The following ANO3 variants were observed in gnomAD, a reference collection of about 807,000 sequenced individuals.
The protein encoded by ANO3 is anoctamin 3.
Under a neutral mutation model 144.8 loss-of-function variants are expected in ANO3, and 99 were observed. That is an observed-to-expected ratio of 0.68 (90% CI 0.58 to 0.81). ANO3 has a LOEUF of 0.81. ANO3 is among the 30% of genes least tolerant of loss of function. ANO3 has a pLI of 0.00. For synonymous variants in ANO3, 414 were observed against 392.6 expected (o/e 1.05, Z -0.64); for missense variants, 905 against 1,202.2 (o/e 0.75, Z 3.66).
At chr11:26,315,634 C>A (rs1452651051) in intron 1 of ANO3, among the ~76,000 whole-genome samples, 1 of 151,158 alleles carries the variant, frequency 6.6e-6, no homozygotes, top group Non-Finnish European at 1.5e-5. Context: ...AGAGAAATTG[C>A]AAATCTGGAC....
chr11:26,565,263 G>A, intron 14 of ANO3: 1 of 1,589,372 alleles, frequency 6.3e-7, no homozygotes, highest in Non-Finnish European at 8.6e-7. Context: ...GGTAAACCCA[G>A]TGAAGCTATC....
At chr11:26,505,071 C>T (rs184997335) in intron 4 of ANO3, among the ~76,000 whole-genome samples, 101 of 149,828 alleles carry the variant, frequency 6.7e-4, no homozygotes, top group African/African-American at 2.4e-3. Context: ...AGAGACAAGC[C>T]TGGCTACTGC....
intron 1 of ANO3, among the ~76,000 whole-genome samples, chr11:26,363,796 G>T (rs1260669562): frequency 1.3e-5 from 2 of 150,694 alleles, no homozygotes; most frequent in Non-Finnish European, 2.9e-5. Context: ...AGTGATAACT[G>T]CAGATTTTCT....
chr11:26,395,652 C>A (rs1856992345), intron 1 of ANO3, among the ~76,000 whole-genome samples: 1 of 152,098 alleles, frequency 6.6e-6, no homozygotes, highest in Non-Finnish European at 1.5e-5. Flanking sequence ...ACATCTACAA[C>A]CATCTGATCT....
rs376885670 is a variant in ANO3 at position 26,300,855 on chromosome 11, C to CTTTTTTTTTTT, written c.155-8784_155-8774dup. 3.9e-5 allele frequency among the ~76,000 whole-genome samples: 5 copies of CTTTTTTTTTTT among 129,070 alleles called. 1 individual carries two copies. Among genetic ancestry groups the CTTTTTTTTTTT allele is most frequent in the African/African-American group, 9.3e-5 (3 of 32,260 alleles). The allele number at this position is 129,070 out of a possible 152,430, so 84.7% of individuals were successfully genotyped here. Reference sequence around the variant, plus strand: ...CTTTATTTATTTCTTTCTTTTTTTTCTTTTTTTTTTTTTTTTGAGGTGGAG... The same window carrying CTTTTTTTTTTT: ...CTTTATTTATTTCTTTCTTTTTTTTCTTTTTTTTTTTTTTTTTTTTTTTTTTTGAGGTGGAG... On this transcript the variant is annotated intron_variant, in intron 1 of 27. Coordinates refer to the ANO3 transcript ENST00000672621.
chr11:26,659,102 A>G (rs936820281), intron 26 of ANO3, among the ~76,000 whole-genome samples: 2 of 133,070 alleles, frequency 1.5e-5, no homozygotes, highest in African/African-American at 5.6e-5. Flanking sequence ...ACACACACAT[A>G]TATATATACA....
chr11:26,309,532 G>T (rs143777385), upstream of ANO3: 1,035 of 355,366 alleles, frequency 2.9e-3, 11 homozygotes, highest in African/African-American at 0.022. Flanking sequence ...TAGTTATACT[G>T]CAGCTATAGT....
At chr11:26,296,922 C>G (rs1370773506) in intron 1 of ANO3, among the ~76,000 whole-genome samples, 2 of 152,040 alleles carry the variant, frequency 1.3e-5, no homozygotes, top group African/African-American at 4.8e-5. Context: ...TCCAGAATTC[C>G]TAATGTTATA....
intron 1 of ANO3, among the ~76,000 whole-genome samples, chr11:26,397,278 A>AT (rs1311233149): frequency 6.6e-6 from 1 of 151,864 alleles, no homozygotes; most frequent in Admixed American, 6.6e-5. Context: ...ATGTACATGT[A>AT]TTTTTTTTCT....
intron 4 of ANO3, among the ~76,000 whole-genome samples, chr11:26,491,591 G>A (rs1860711086): frequency 6.6e-6 from 1 of 152,130 alleles, no homozygotes. Context: ...ATACCAGGAG[G>A]CCACACGAGG....
At chr11:26,371,287 G>T (rs780681632) in intron 1 of ANO3, among the ~76,000 whole-genome samples, 1 of 152,240 alleles carries the variant, frequency 6.6e-6, no homozygotes, top group Non-Finnish European at 1.5e-5. Context: ...GGTTGGTCCA[G>T]TGGGTGCACA....
chr11:26,381,314 G>T (rs1441488392), intron 1 of ANO3, among the ~76,000 whole-genome samples: 2 of 152,048 alleles, frequency 1.3e-5, no homozygotes, highest in African/African-American at 4.8e-5. Context: ...AAGAGTTATA[G>T]TTTTTTGTTT....
At chr11:26,527,208 A>T (rs1849185246) in intron 7 of ANO3, among the ~76,000 whole-genome samples, 1 of 152,166 alleles carries the variant, frequency 6.6e-6, no homozygotes, top group African/African-American at 2.4e-5. Flanking sequence ...TAATAATGTA[A>T]AAAATGTTCT....
chr11:26,417,703 GTAT>G (rs59238402), intron 1 of ANO3, among the ~76,000 whole-genome samples: 8,322 of 151,826 alleles, frequency 0.055, 268 homozygotes, highest in African/African-American at 0.09. Flanking sequence ...TGAATGTAAA[GTAT>G]TATGTTTAAA....
At position 26,559,709 on chromosome 11, in the gene ANO3, T is replaced by C; in HGVS notation, c.1387-10T>C. On this transcript the variant is annotated splice_polypyrimidine_tract_variant and intron_variant, in intron 13 of 26. Coordinates refer to ENST00000256737, the MANE Select transcript of ANO3 (RefSeq NM_031418.4). ...TGCATGACTAATATTTCTGTTTGTT[T>C]TCTACTCAGGTGACATATTTGTTCG... is the stretch of plus-strand genomic sequence containing the variant. The C allele has an allele frequency of 6.2e-7, 1 of 1,606,388 alleles. No individual in the cohort carries two copies. The highest frequency in any genetic ancestry group is 8.5e-7 in the Non-Finnish European group (1 of 1,173,236).
At chr11:26,313,113 A>T (rs2133872221) in intron 1 of ANO3, among the ~76,000 whole-genome samples, 1 of 152,324 alleles carries the variant, frequency 6.6e-6, no homozygotes, top group East Asian at 1.9e-4. Context: ...GTTGGATAAA[A>T]GGTGAGTACC....
At chr11:26,420,271 T>A (rs570885856) in intron 1 of ANO3, among the ~76,000 whole-genome samples, 9 of 152,158 alleles carry the variant, frequency 5.9e-5, no homozygotes, top group Admixed American at 1.3e-4. Flanking sequence ...AAAAATTAAA[T>A]TTTAGTCTCT....
intron 14 of ANO3, chr11:26,560,075 C>T (rs910266377): frequency 1.6e-4 from 47 of 285,294 alleles, no homozygotes; most frequent in African/African-American, 9.6e-4. Flanking sequence ...TACTAGAATC[C>T]AAATTAATCT....
intron 1 of ANO3, among the ~76,000 whole-genome samples, chr11:26,231,789 C>T (rs544655832): frequency 6.6e-6 from 1 of 152,288 alleles, no homozygotes; most frequent in East Asian, 1.9e-4. Context: ...TGGTGCAGTT[C>T]ATGTAAGATC....
Sources: gnomAD v4.1 joint callset for allele counts (sites outside exome capture counted in the v4.1 genomes callset) on GRCh38, gnomAD v4.1.1 for gene constraint, MANE v1.5 for transcripts, NCBI Gene and HGNC (gene_info 2026-07-23, HGNC 2026-07-21) for gene names.